Variants in CC2D2B observed in about 807,000 individuals in gnomAD.
CC2D2B encodes the protein protein CC2D2B.
Under a neutral mutation model 161.2 loss-of-function variants are expected in CC2D2B, and 128 were observed. That is an observed-to-expected ratio of 0.79 (90% CI 0.69 to 0.92). The LOEUF (loss-of-function observed/expected upper bound fraction) is 0.92, where lower values mean the gene tolerates loss of function less well. CC2D2B is among the 40% of genes least tolerant of loss of function. CC2D2B has a pLI of 0.00. For missense variants in CC2D2B, 1,173 were observed against 1,375.1 expected (o/e 0.85, Z 2.32); for synonymous variants, 391 against 449.8 (o/e 0.87, Z 1.65).
intron 9 of CC2D2B, among the ~76,000 whole-genome samples, chr10:95,946,083 G>A (rs1042660596): frequency 3.9e-5 from 6 of 152,022 alleles, no homozygotes; most frequent in East Asian, 1.9e-4. Flanking sequence ...CACGCCCAGC[G>A]GACAGTTCTA....
chr10:95,954,422 T>A (rs2141369785), intron 10 of CC2D2B, among the ~76,000 whole-genome samples: 1 of 152,292 alleles, frequency 6.6e-6, no homozygotes, highest in East Asian at 1.9e-4. Context: ...TGCACATATT[T>A]ATTAATATAT....
chr10:95,972,167 GT>G lies in CC2D2B; in HGVS notation c.1749del (p.Phe583LeufsTer14). On this transcript the variant is annotated frameshift_variant, in exon 16 of 35. Coordinates refer to ENST00000646931, the MANE Select transcript of CC2D2B (RefSeq NM_001349008.3). LOFTEE classifies it high-confidence loss of function. ...GCAAAACCGCTTTGCAATATGTAGAGTTTAGCTCTGATAAGCTGGTCATGCC... is the reference window on the plus strand; with the variant it reads ...GCAAAACCGCTTTGCAATATGTAGAGTTAGCTCTGATAAGCTGGTCATGCC... The part of the protein sequence containing the change: ...KGKTALQYVE[F>X]SSDKLVMPAD... The G allele has an allele frequency of 1.6e-6, 2 of 1,232,010 alleles. No homozygotes were observed. Among genetic ancestry groups the G allele is most frequent in the Non-Finnish European group, 2.0e-6 (2 of 987,868 alleles). 76.3% of individuals were successfully genotyped at this position (1,232,010 alleles called of 1,614,324 possible). A position where few individuals can be genotyped will look rare whatever the true frequency, so the allele number is the denominator to read the frequency against.
chr10:95,911,439 T>C (rs1476296132), intron 2 of CC2D2B, 80 bp downstream of exon 2: 1 of 210,020 alleles, frequency 4.8e-6, no homozygotes, highest in African/African-American at 2.3e-5. Flanking sequence ...CTGATAAATG[T>C]GATACATTTG....
chr10:95,940,844 A>G (rs540095810), intron 9 of CC2D2B, among the ~76,000 whole-genome samples: 7 of 152,160 alleles, frequency 4.6e-5, no homozygotes, highest in Non-Finnish European at 7.3e-5. Flanking sequence ...CAAACTCCCA[A>G]TGACATTTTT....
intron 5 of CC2D2B, among the ~76,000 whole-genome samples, chr10:95,926,143 A>C (rs550593512): frequency 6.6e-6 from 1 of 152,368 alleles, no homozygotes; most frequent in East Asian, 1.9e-4. Context: ...TTCACTCAAC[A>C]CATGAATTAA....
chr10:95,947,115 T>TATATATATATATATATA (rs1564609188), intron 9 of CC2D2B, among the ~76,000 whole-genome samples: 8 of 26,216 alleles, frequency 3.1e-4, no homozygotes, highest in Admixed American at 6.8e-4. Context: ...ATATATATAT[T>TATATATATATATATATA]TTTTTTTTTT....
At position 95,914,318 on chromosome 10, in the gene CC2D2B, T is replaced by C. The variant is rs201897117; in HGVS notation, c.36+2959T>C. Among the ~76,000 whole-genome samples the C allele has an allele frequency of 1.9e-4, 29 of 152,244 alleles. No homozygotes were observed. The East Asian group carries it at 5.4e-3, about 28-fold the overall frequency. On this transcript the variant is annotated intron_variant, in intron 2 of 34. Coordinates refer to ENST00000646931, the MANE Select transcript of CC2D2B (RefSeq NM_001349008.3). The stretch of plus-strand genomic sequence containing the variant: ...TTCTTTATTTTGTTCCATTGATGTG[T>C]ATGTGTGTGCGCGTGTGTGTGTGTA...
At chr10:95,980,782 G>A (rs1366056379) in intron 17 of CC2D2B, among the ~76,000 whole-genome samples, 1 of 152,174 alleles carries the variant, frequency 6.6e-6, no homozygotes, top group Admixed American at 6.5e-5. Flanking sequence ...TATAAAATGT[G>A]TGCTCGTGTT....
At chr10:95,954,914 T>C (rs564152071) in intron 10 of CC2D2B, among the ~76,000 whole-genome samples, 20 of 152,130 alleles carry the variant, frequency 1.3e-4, no homozygotes, top group Non-Finnish European at 2.8e-4. Context: ...TTTTATACCT[T>C]CTGCAGTATA....
chr10:96,017,630 A>C (rs11188560), intron 30 of CC2D2B, among the ~76,000 whole-genome samples: 3,733 of 152,202 alleles, frequency 0.025, 234 homozygotes, highest in East Asian at 0.21. Context: ...AGTCAGACAC[A>C]GGTTTAAAAT....
intron 17 of CC2D2B, among the ~76,000 whole-genome samples, chr10:95,975,034 T>TA (rs879313234): frequency 2.6e-5 from 4 of 152,098 alleles, no homozygotes; most frequent in Admixed American, 2.0e-4. Flanking sequence ...TCATGGATTG[T>TA]AAAAAAAGGT....
chr10:95,947,754 TAA>T (rs571836060), intron 9 of CC2D2B, among the ~76,000 whole-genome samples: 2 of 133,324 alleles, frequency 1.5e-5, no homozygotes, highest in Non-Finnish European at 1.6e-5. Flanking sequence ...TCTCAAGAAA[TAA>T]AAAAAAAAAA....
At chr10:96,029,264 A>ATG (rs1195873991) in intron 34 of CC2D2B, among the ~76,000 whole-genome samples, 3 of 60,484 alleles carry the variant, frequency 5.0e-5, no homozygotes, top group African/African-American at 2.8e-4. Context: ...ATATATATAT[A>ATG]TATATATATA....
intron 11 of CC2D2B, among the ~76,000 whole-genome samples, chr10:95,957,553 ATTTTTTT>A (rs869263327): frequency 8.4e-5 from 7 of 83,712 alleles, no homozygotes; most frequent in East Asian, 3.2e-4. Flanking sequence ...GCTGACAATG[ATTTTTTT>A]TTTTTTTTTT....
intron 6 of CC2D2B, among the ~76,000 whole-genome samples, chr10:95,928,243 AAC>A (rs2098543135): frequency 6.8e-6 from 1 of 146,508 alleles, no homozygotes; most frequent in Non-Finnish European, 1.5e-5. Flanking sequence ...AAAAAAAAAA[AAC>A]TCTTAAAATT....
chr10:95,995,102 A>G (rs2078180257), intron 22 of CC2D2B, among the ~76,000 whole-genome samples, 167 bp from the exon 23 acceptor site: 1 of 152,204 alleles, frequency 6.6e-6, no homozygotes, highest in Non-Finnish European at 1.5e-5. Flanking sequence ...TAATTATCAA[A>G]TGTTTAGCTG....
Position 96,009,937 on chromosome 10 carries a change from C to T in CC2D2B, c.3045+14C>T. The T allele has an allele frequency of 6.6e-7, 1 of 1,510,498 alleles. No individual in the cohort carries two copies. 93.6% of individuals were successfully genotyped at this position (1,510,498 alleles called of 1,614,324 possible). ...CAACAATCTGAGGTAAGAGAAAATG[C>T]TTCTTTGCTCATTCTAAGTTTTGAC... On this transcript the variant is annotated intron_variant, in intron 26 of 34. Transcript: ENST00000646931.
At chr10:95,962,524 A>G (rs562745923) in intron 12 of CC2D2B, among the ~76,000 whole-genome samples, 1 of 152,168 alleles carries the variant, frequency 6.6e-6, no homozygotes, top group African/African-American at 2.4e-5. Context: ...GCCAGCAATC[A>G]TACTTTAGAT....
intron 17 of CC2D2B, among the ~76,000 whole-genome samples, chr10:95,981,213 G>A (rs1011821853): frequency 6.6e-6 from 1 of 152,096 alleles, no homozygotes. Flanking sequence ...CCAACATGGT[G>A]AAATGCCCTC....
Sources: gnomAD v4.1 joint callset for allele counts (sites outside exome capture counted in the v4.1 genomes callset) on GRCh38, gnomAD v4.1.1 for gene constraint, MANE v1.5 for transcripts, NCBI Gene and HGNC (gene_info 2026-07-23, HGNC 2026-07-21) for gene names.